Variants in ADAMTS6 observed in about 807,000 individuals in gnomAD.
ADAMTS6 encodes ADAM metallopeptidase with thrombospondin type 1 motif 6.
Under a neutral mutation model 144.3 loss-of-function variants are expected in ADAMTS6, and 23 were observed. The ratio of observed to expected loss-of-function variants is 0.16; its 90% CI spans 0.11 to 0.23. The LOEUF is 0.23. Ranked by LOEUF, ADAMTS6 falls within the 10% of genes least tolerant of loss-of-function variation. The pLI, the probability that ADAMTS6 is intolerant of heterozygous loss-of-function variation, is 1.00. For missense variants in ADAMTS6, 999 were observed against 1,379.6 expected (o/e 0.72, Z 4.37); for synonymous variants, 444 against 457.5 (o/e 0.97, Z 0.38).
Position 65,229,850 on chromosome 5 carries a change from A to G in ADAMTS6, c.1934-3631T>C, listed in dbSNP as rs148486534. 4.9e-4 allele frequency among the ~76,000 whole-genome samples: 74 copies of G among 152,282 alleles called. No individual in the cohort carries two copies. In the East Asian group the frequency reaches 0.012, roughly 24 times the overall value. ...AAGTGGAATAGGCTTATTTAAAGAA[A>G]TAATGGCTGAAAAATTCCCAAATCT... On this transcript the variant is annotated intron_variant, in intron 15 of 24. Transcript: ENST00000381055.
At chr5:65,169,680 T>TA (rs1484516946) in intron 24 of ADAMTS6, among the ~76,000 whole-genome samples, 1 of 150,886 alleles carries the variant, frequency 6.6e-6, no homozygotes, top group Non-Finnish European at 1.5e-5. Context: ...ATGTGGCACA[T>TA]ATACACCATG....
chr5:65,183,054 T>C (rs1420401711), intron 22 of ADAMTS6, among the ~76,000 whole-genome samples: 1 of 152,202 alleles, frequency 6.6e-6, no homozygotes, highest in African/African-American at 2.4e-5. Context: ...AAATTAAATG[T>C]TTAAAAATTG....
At chr5:65,472,508 A>G (rs2150286262) in intron 2 of ADAMTS6, among the ~76,000 whole-genome samples, 1 of 152,318 alleles carries the variant, frequency 6.6e-6, no homozygotes, top group South Asian at 2.1e-4. Context: ...TAATATCTCA[A>G]TAAAGCTATT....
chr5:65,171,929 A>T lies in ADAMTS6; in HGVS notation c.3087+903T>A, dbSNP rs188411975. On this transcript the variant is annotated intron_variant, in intron 23 of 24. Transcript: ENST00000381055. ...CTGAAGAATGAAGCTGGGTTAATCT[A>T]TGGGCCTGCCATCGAGAATACCAGA... Among the ~76,000 whole-genome samples the T allele has an allele frequency of 1.1e-3, 162 of 151,970 alleles. 1 individual carries two copies. In the East Asian group the frequency reaches 0.024, roughly 23 times the overall value.
chr5:65,415,330 A>C (rs1050933210), intron 7 of ADAMTS6: 4 of 155,260 alleles, frequency 2.6e-5, no homozygotes, highest in African/African-American at 9.6e-5. Context: ...AAGACACAAT[A>C]ACCTTCTCTG....
At chr5:65,398,986 G>T (rs1002174422) in intron 7 of ADAMTS6, among the ~76,000 whole-genome samples, 1 of 152,120 alleles carries the variant, frequency 6.6e-6, no homozygotes, top group South Asian at 2.1e-4. Flanking sequence ...GGCTGGGTGC[G>T]GTGGCTCATG....
intron 9 of ADAMTS6, among the ~76,000 whole-genome samples, chr5:65,309,654 A>G (rs1162429351): frequency 6.6e-6 from 1 of 152,154 alleles, no homozygotes; most frequent in African/African-American, 2.4e-5. Context: ...ATAGTTAAAT[A>G]TACATACCCG....
chr5:65,351,143 T>A lies in ADAMTS6; in HGVS notation c.1074-17058A>T, dbSNP rs2150089458. ...AAGCTTTGATGGCGCCATATTTCTT[T>A]CCAATTCCAGTTGCCAATAATTTAA... On this transcript the variant is annotated intron_variant, in intron 7 of 24. Transcript: ENST00000381055. Among the ~76,000 whole-genome samples the A allele has an allele frequency of 1.3e-5, 2 of 152,328 alleles. 1 individual carries two copies. The highest frequency in any genetic ancestry group is 4.2e-4 in the South Asian group (2 of 4,818).
At chr5:65,352,593 TTAGAA>T (rs1289070138) in intron 7 of ADAMTS6, among the ~76,000 whole-genome samples, 1 of 151,938 alleles carries the variant, frequency 6.6e-6, no homozygotes, top group Non-Finnish European at 1.5e-5. Flanking sequence ...CAAACAAAAT[TTAGAA>T]TAGATCAGAT....
chr5:65,394,211 T>C (rs899353116), intron 7 of ADAMTS6, among the ~76,000 whole-genome samples: 3 of 152,206 alleles, frequency 2.0e-5, no homozygotes, highest in Admixed American at 2.0e-4. Context: ...CACTGGCCTT[T>C]GGAGCCTCCA....
intron 7 of ADAMTS6, among the ~76,000 whole-genome samples, chr5:65,437,388 T>G (rs1273700444): frequency 1.3e-5 from 2 of 151,886 alleles, no homozygotes; most frequent in African/African-American, 4.8e-5. Flanking sequence ...GCCACCACAC[T>G]CGGCCCCGGA....
chr5:65,252,068 T>A (rs115152239), intron 14 of ADAMTS6, among the ~76,000 whole-genome samples: 149 of 152,338 alleles, frequency 9.8e-4, no homozygotes, highest in African/African-American at 3.4e-3. Context: ...CTCTAGGTCC[T>A]AATTTCTCCA....
Position 65,300,072 on chromosome 5 carries a change from G to T in ADAMTS6, c.1283C>A (p.Ala428Glu). Residue 428 changes from alanine (A) to glutamate (E), a missense_variant, in exon 10 of 25, where the codon GCA becomes GAA. Physicochemically the swap from Ala to Glu is moderately radical, Grantham distance 107 (BLOSUM62 -1). Transcript: ENST00000381055. Reference protein sequence around the residue: ...NSCGTKGHEAAKLMAAHITAN... With the variant: ...NSCGTKGHEAEKLMAAHITAN... ...AGTAATGTGAGCTGCCATAAGTTTT[G>T]CTGCTTCATGACCTTTCGTCCCACA... 6.2e-7 allele frequency: 1 copy of T among 1,614,050 alleles called. No individual in the cohort carries two copies. Among genetic ancestry groups the T allele is most frequent in the Non-Finnish European group, 8.5e-7 (1 of 1,179,996 alleles).
At chr5:65,393,805 C>G (rs1189879325) in intron 7 of ADAMTS6, among the ~76,000 whole-genome samples, 1 of 152,158 alleles carries the variant, frequency 6.6e-6, no homozygotes, top group Admixed American at 6.5e-5. Flanking sequence ...GTAAAACAAT[C>G]TTTCCAAAAT....
chr5:65,159,714 G>C (rs1019761091), intron 24 of ADAMTS6, among the ~76,000 whole-genome samples: 1 of 152,184 alleles, frequency 6.6e-6, no homozygotes, highest in African/African-American at 2.4e-5. Flanking sequence ...AAACCTTTGA[G>C]AACAGGGAAC....
chr5:65,229,840 A>C (rs879720636), intron 15 of ADAMTS6, among the ~76,000 whole-genome samples: 5 of 152,160 alleles, frequency 3.3e-5, no homozygotes, highest in African/African-American at 7.2e-5. Flanking sequence ...GAATAGGCTT[A>C]TTTAAAGAAA....
At chr5:65,186,537 T>C (rs1231801904) in intron 22 of ADAMTS6, among the ~76,000 whole-genome samples, 1 of 152,204 alleles carries the variant, frequency 6.6e-6, no homozygotes, top group Non-Finnish European at 1.5e-5. Context: ...AACAAATTTC[T>C]CATACCAATG....
At chr5:65,170,579 A>T (rs199882479) in intron 24 of ADAMTS6, 38 bp downstream of exon 24, 519 of 1,607,844 alleles carry the variant, frequency 3.2e-4, no homozygotes, top group Non-Finnish European at 4.2e-4. Context: ...AAGGTGGGTC[A>T]TTAGAAACCA....
At chr5:65,341,957 C>T (rs562100645) in intron 7 of ADAMTS6, among the ~76,000 whole-genome samples, 1 of 151,988 alleles carries the variant, frequency 6.6e-6, no homozygotes, top group Admixed American at 6.6e-5. Context: ...TAGTGGCAAA[C>T]CAAATACAAC....
Sources: allele counts gnomAD v4.1 joint callset (sites outside exome capture counted in the v4.1 genomes callset), GRCh38; gene constraint gnomAD v4.1.1; transcripts MANE v1.5; gene names NCBI Gene and HGNC (gene_info 2026-07-23, HGNC 2026-07-21).